Variants in ABCC4 observed in about 807,000 individuals in gnomAD.
The protein encoded by ABCC4 is ATP-binding cassette sub-family C member 4.
A neutral mutation model predicts 168.5 loss-of-function variants in ABCC4; 102 were observed. That is an observed-to-expected ratio of 0.61 (90% CI 0.52 to 0.71). The LOEUF (loss-of-function observed/expected upper bound fraction) is 0.71, where lower values mean the gene tolerates loss of function less well. Among genes scored for constraint, ABCC4 ranks in the 30% least tolerant of loss-of-function variants. ABCC4 has a pLI of 0.00. For missense variants in ABCC4, 1,402 were observed against 1,605.8 expected (o/e 0.87, Z 2.17); for synonymous variants, 617 against 590.7 (o/e 1.04, Z -0.65).
chr13:95,234,541 C>T lies in ABCC4; in HGVS notation c.531+69G>A, dbSNP rs146645482. 47 of 1,345,654 alleles carry T rather than the reference C, an allele frequency of 3.5e-5. No individual in the cohort carries two copies. In the East Asian group the frequency reaches 8.2e-4, roughly 23 times the overall value. 83.4% of individuals were successfully genotyped at this position (1,345,654 alleles called of 1,614,324 possible). On this transcript the variant is annotated intron_variant, in intron 4 of 30. Transcript: ENST00000645237. The stretch of plus-strand genomic sequence containing the variant: ...GGCTATTTATGCAGTATTTAATTTA[C>T]ATAAAACTTCCTCAGAATGCTTCTG...
At chr13:95,042,020 G>A (rs1345104671) in intron 29 of ABCC4, among the ~76,000 whole-genome samples, 2 of 152,184 alleles carry the variant, frequency 1.3e-5, no homozygotes, top group African/African-American at 4.8e-5. Context: ...ATGACCTCGT[G>A]GCCAGGGAGC....
intron 19 of ABCC4, among the ~76,000 whole-genome samples, chr13:95,144,640 G>A (rs1594175956): frequency 6.6e-6 from 1 of 151,722 alleles, no homozygotes; most frequent in Non-Finnish European, 1.5e-5. Flanking sequence ...GAATACCACG[G>A]CCACAAAAAC....
At chr13:95,083,751 G>C (rs113591676) in intron 20 of ABCC4, among the ~76,000 whole-genome samples, 3,510 of 152,070 alleles carry the variant, frequency 0.023, 69 homozygotes, top group Non-Finnish European at 0.033. Flanking sequence ...TCGAACTCCC[G>C]ATCTCAAGTG....
chr13:95,071,749 T>A lies in ABCC4; in HGVS notation c.3123A>T (p.Ile1041=). The change falls in exon 25 of 31, where the codon ATA becomes ATT. Residue 1041 remains isoleucine (I), a synonymous_variant. Transcript: ENST00000645237. ...ACATGAAGTTCACATTGTCAAAGATTATCACTCCTTCATGGGGCCAGGCTG... is the reference window on the plus strand; with the variant it reads ...ACATGAAGTTCACATTGTCAAAGATAATCACTCCTTCATGGGGCCAGGCTG... ...PPPAWPHEGV[I]IFDNVNFMYS... 1 of 1,607,186 alleles carries A rather than the reference T, an allele frequency of 6.2e-7. No homozygotes were observed. Among genetic ancestry groups the A allele is most frequent in the Non-Finnish European group, 8.5e-7 (1 of 1,176,904 alleles).
At chr13:95,293,507 C>T (rs1047657003) in intron 1 of ABCC4, among the ~76,000 whole-genome samples, 1 of 151,824 alleles carries the variant, frequency 6.6e-6, no homozygotes, top group Non-Finnish European at 1.5e-5. Context: ...CGCTCTGTTG[C>T]CCAGGCTGGA....
At chr13:95,125,913 A>C (rs765351254) in intron 19 of ABCC4, among the ~76,000 whole-genome samples, 2 of 152,190 alleles carry the variant, frequency 1.3e-5, no homozygotes, top group Non-Finnish European at 2.9e-5. Context: ...AGCATCCAGA[A>C]GGTACAGATC....
intron 1 of ABCC4, among the ~76,000 whole-genome samples, chr13:95,252,170 A>G (rs7982955): frequency 0.93 from 140,836 of 152,142 alleles, 65,396 homozygotes; most frequent in East Asian, 1. Flanking sequence ...AGGAGAAGCC[A>G]CAAAGGCCTT....
At chr13:95,173,287 T>C (rs890757973) in intron 13 of ABCC4, among the ~76,000 whole-genome samples, 3 of 152,188 alleles carry the variant, frequency 2.0e-5, no homozygotes, top group Admixed American at 1.3e-4. Flanking sequence ...GGGGCACAAA[T>C]GCGCTGTGCA....
chr13:95,046,043 C>G (rs1234044644), intron 27 of ABCC4, among the ~76,000 whole-genome samples: 1 of 152,090 alleles, frequency 6.6e-6, no homozygotes, highest in Non-Finnish European at 1.5e-5. Flanking sequence ...AAATGTTACC[C>G]TGAAAATTAT....
At position 95,019,850 on chromosome 13, in the gene ABCC4, T is replaced by C. The variant is rs1421215493; in HGVS notation, c.*1725A>G. ...GATCTCTGAATGGAGATGAAAACTA[T>C]CATTTATTTCAATTGAATTTAGTTT... On this transcript the variant is annotated 3_prime_UTR_variant, in exon 31 of 31. Transcript: ENST00000645237. 6.6e-6 allele frequency: 1 copy of C among 152,238 alleles called. No homozygotes were observed. The highest frequency in any genetic ancestry group is 1.5e-5 in the Non-Finnish European group (1 of 68,046). 9.4% of individuals were successfully genotyped at this position (152,238 alleles called of 1,614,324 possible). A position where few individuals can be genotyped will look rare whatever the true frequency, so the allele number is the denominator to read the frequency against.
At chr13:95,044,142 C>A in intron 28 of ABCC4, 124 bp downstream of exon 28, 1 of 991,448 alleles carries the variant, frequency 1.0e-6, no homozygotes, top group Non-Finnish European at 1.4e-6. Flanking sequence ...ATGAATTTAT[C>A]CATGTTAAAA....
chr13:95,198,948 G>A (rs1483382713), intron 8 of ABCC4, among the ~76,000 whole-genome samples: 3 of 151,994 alleles, frequency 2.0e-5, no homozygotes, highest in Non-Finnish European at 4.4e-5. Context: ...TCACACACCA[G>A]GGCCTGTCAG....
intron 20 of ABCC4, chr13:95,096,306 A>G (rs1403451316): frequency 9.3e-6 from 4 of 430,838 alleles, no homozygotes; most frequent in Non-Finnish European, 1.6e-5. Flanking sequence ...AAAAAGACTG[A>G]AAGACTGGAA....
intron 9 of ABCC4, among the ~76,000 whole-genome samples, chr13:95,194,378 G>A (rs138769644): frequency 6.6e-6 from 1 of 152,124 alleles, no homozygotes; most frequent in Admixed American, 6.5e-5. Flanking sequence ...CCCCAACCCC[G>A]TGGCAAAAAT....
chr13:95,265,431 A>G (rs1314054268), intron 1 of ABCC4, among the ~76,000 whole-genome samples: 1 of 62,310 alleles, frequency 1.6e-5, no homozygotes, highest in African/African-American at 8.8e-5. Context: ...ACACAATAAG[A>G]AAAAAAAAAA....
intron 29 of ABCC4, among the ~76,000 whole-genome samples, chr13:95,038,003 C>T (rs769932065): frequency 5.3e-5 from 8 of 152,156 alleles, no homozygotes; most frequent in African/African-American, 1.2e-4. Context: ...TACAGGTGCA[C>T]GCCGCCAAAG....
chr13:95,068,153 G>A (rs2033609600), intron 25 of ABCC4, among the ~76,000 whole-genome samples: 1 of 152,160 alleles, frequency 6.6e-6, no homozygotes, highest in Admixed American at 6.5e-5. Context: ...TGGAAACAAT[G>A]CCCCTCTCCA....
intron 19 of ABCC4, among the ~76,000 whole-genome samples, chr13:95,129,379 G>A (rs1040503914): frequency 1.3e-5 from 2 of 152,252 alleles, no homozygotes; most frequent in African/African-American, 4.8e-5. Context: ...TTTCTGATGT[G>A]TTCATTTGTA....
intron 13 of ABCC4, among the ~76,000 whole-genome samples, chr13:95,173,466 T>C (rs1050774545): frequency 6.6e-6 from 1 of 152,140 alleles, no homozygotes; most frequent in African/African-American, 2.4e-5. Flanking sequence ...ATTTTTCTCT[T>C]TTGCCCAGGC....
Sources: gnomAD v4.1 joint callset for allele counts (sites outside exome capture counted in the v4.1 genomes callset) on GRCh38, gnomAD v4.1.1 for gene constraint, MANE v1.5 for transcripts, NCBI Gene and HGNC (gene_info 2026-07-23, HGNC 2026-07-21) for gene names.